Variants in DNAH3 observed in about 807,000 individuals in gnomAD.
DNAH3 encodes the protein axonemal beta dynein heavy chain 3.
A neutral mutation model predicts 432.5 loss-of-function variants in DNAH3; 332 were observed. The observed-to-expected ratio is 0.77, with a 90% CI of 0.70 to 0.84. The LOEUF is 0.84. DNAH3 is among the 40% of genes least tolerant of loss of function. The probability of loss-of-function intolerance (pLI) is 0.00; values close to 1 mark genes in which losing one functional copy is unlikely to be tolerated. For missense variants in DNAH3, 4,861 were observed against 5,114.0 expected, an observed-to-expected ratio of 0.95 and a Z score of 1.51; for synonymous variants, 1,956 against 1,900.2, an observed-to-expected ratio of 1.03 and a Z score of -0.76.
intron 1 of DNAH3, among the ~76,000 whole-genome samples, chr16:21,156,510 G>A (rs922945040): frequency 1.3e-5 from 2 of 152,132 alleles, no homozygotes; most frequent in Non-Finnish European, 2.9e-5. Flanking sequence ...GGGATTATAG[G>A]TGTGAGCCAC....
At chr16:21,069,681 C>T (rs926244206) in intron 22 of DNAH3, 87 bp from the exon 23 acceptor site, 4 of 1,129,898 alleles carry the variant, frequency 3.5e-6, no homozygotes, top group Non-Finnish European at 5.1e-6. Context: ...TGGAGCCGTA[C>T]ATTTATTCAT....
At chr16:21,134,096 A>G in intron 7 of DNAH3, 163 bp downstream of exon 8, 1 of 653,642 alleles carries the variant, frequency 1.5e-6, no homozygotes, top group Non-Finnish European at 2.5e-6. Flanking sequence ...GCCTGCAAGG[A>G]AAGGTGTCAC....
intron 41 of DNAH3, among the ~76,000 whole-genome samples, chr16:21,012,412 A>G (rs145350944): frequency 6.6e-6 from 1 of 152,306 alleles, no homozygotes; most frequent in African/African-American, 2.4e-5. Flanking sequence ...ATATAATTCA[A>G]CCTCACTTCT....
intron 3 of DNAH3, 119 bp from the exon 5 acceptor site, chr16:21,141,491 C>G (rs1257444017): frequency 1.5e-6 from 1 of 684,406 alleles, no homozygotes; most frequent in East Asian, 2.8e-5. Flanking sequence ...GGACATGGTA[C>G]GGTGTGACGT....
chr16:21,139,034 G>A (rs1270190922), intron 5 of DNAH3, among the ~76,000 whole-genome samples: 2 of 152,126 alleles, frequency 1.3e-5, no homozygotes, highest in Non-Finnish European at 2.9e-5. Flanking sequence ...GTCACTGTGA[G>A]TTTTTATTAA....
intron 21 of DNAH3, 30 bp from the exon 22 acceptor site, chr16:21,070,856 G>A (rs2090755433): frequency 4.5e-6 from 6 of 1,343,364 alleles, no homozygotes; most frequent in Non-Finnish European, 6.4e-6. Context: ...ACCCTGTCAA[G>A]ATTGTGAAAC....
intron 44 of DNAH3, among the ~76,000 whole-genome samples, chr16:20,989,268 G>C (rs932811190): frequency 6.6e-6 from 1 of 151,832 alleles, no homozygotes; most frequent in Non-Finnish European, 1.5e-5. Flanking sequence ...GTCCCCATCA[G>C]ATTAGTTAGA....
exon 18 of DNAH3, chr16:21,097,361 T>G: frequency 6.2e-7 from 1 of 1,613,690 alleles, no homozygotes; most frequent in African/African-American, 1.3e-5. Flanking sequence ...ATACCATTCA[T>G]CCATTCCTCT....
intron 24 of DNAH3, 109 bp downstream of exon 24, chr16:21,067,174 A>G (rs2090582427): frequency 6.6e-6 from 8 of 1,221,318 alleles, no homozygotes; most frequent in Admixed American, 5.8e-5. Context: ...GAAAACCAGG[A>G]AAGAGTATGG....
At chr16:21,093,278 A>G (rs2091589606) in intron 18 of DNAH3, among the ~76,000 whole-genome samples, 2 of 152,350 alleles carry the variant, frequency 1.3e-5, no homozygotes, top group Non-Finnish European at 1.5e-5. Flanking sequence ...ATTGTGCTTC[A>G]TAGTACTTAC....
intron 16 of DNAH3, among the ~76,000 whole-genome samples, chr16:21,099,819 T>G (rs1186104873): frequency 6.6e-6 from 1 of 152,240 alleles, no homozygotes; most frequent in Non-Finnish European, 1.5e-5. Flanking sequence ...GATTTTTACT[T>G]ATTTATTAAT....
chr16:20,948,570 G>A (rs2084162622), exon 57 of DNAH3: 1 of 1,614,126 alleles, frequency 6.2e-7, no homozygotes, highest in Non-Finnish European at 8.5e-7. Context: ...AGTAGAACAT[G>A]GACAGAAGTG....
chr16:20,991,021 AAAAC>A (rs1030549999), intron 44 of DNAH3, among the ~76,000 whole-genome samples: 43 of 152,244 alleles, frequency 2.8e-4, no homozygotes, highest in African/African-American at 7.5e-4. Flanking sequence ...ACTCTGTCTC[AAAAC>A]AAACAAACAA....
At chr16:20,988,936 C>A (rs116367579) in intron 44 of DNAH3, among the ~76,000 whole-genome samples, 1,537 of 152,126 alleles carry the variant, frequency 0.01, 30 homozygotes, top group African/African-American at 0.034. Flanking sequence ...TGGAGTTATT[C>A]GTTCCTCCCG....
chr16:20,964,477 G>A (rs1356916159), exon 53 of DNAH3: 1 of 1,614,202 alleles, frequency 6.2e-7, no homozygotes, highest in Admixed American at 1.7e-5. Flanking sequence ...TTCGATAGAA[G>A]CATCCAGCTC....
intron 20 of DNAH3, among the ~76,000 whole-genome samples, chr16:21,080,624 G>A (rs2091149984): frequency 6.6e-6 from 1 of 152,202 alleles, no homozygotes; most frequent in South Asian, 2.1e-4. Context: ...GCAGACTGCA[G>A]GGCCCATCTG....
intron 5 of DNAH3, among the ~76,000 whole-genome samples, chr16:21,137,011 G>A (rs543862195): frequency 6.6e-6 from 1 of 152,216 alleles, no homozygotes; most frequent in South Asian, 2.1e-4. Context: ...GCGCACACCT[G>A]TAGTCCCATC....
At chr16:21,062,198 C>T (rs748105740) in intron 25 of DNAH3, among the ~76,000 whole-genome samples, 6 of 152,156 alleles carry the variant, frequency 3.9e-5, no homozygotes, top group East Asian at 1.9e-4. Context: ...TAAACAGCAT[C>T]GGCTGTTTGG....
intron 58 of DNAH3, among the ~76,000 whole-genome samples, chr16:20,942,988 T>A (rs994311794): frequency 6.6e-6 from 1 of 152,076 alleles, no homozygotes; most frequent in Non-Finnish European, 1.5e-5. Flanking sequence ...AGCCTCGTGA[T>A]CACAGCCTCA....
Sources: gnomAD v4.1 joint callset for allele counts (sites outside exome capture counted in the v4.1 genomes callset) on GRCh38, gnomAD v4.1.1 for gene constraint, MANE v1.5 for transcripts, NCBI Gene and HGNC (gene_info 2026-07-23, HGNC 2026-07-21) for gene names.